Variants in EBF3 observed in about 807,000 individuals in gnomAD.
The protein encoded by EBF3 is EBF transcription factor 3.
In EBF3, 18 loss-of-function variants were observed where a neutral mutation model predicts 77.1. That is an observed-to-expected ratio of 0.23 (90% CI 0.16 to 0.35). The LOEUF (loss-of-function observed/expected upper bound fraction) is 0.35. Among genes scored for constraint, EBF3 ranks in the 10% least tolerant of loss-of-function variants. The pLI is 1.00. For synonymous variants in EBF3, 350 were observed against 343.5 expected (o/e 1.02, Z -0.21); for missense variants, 558 against 860.0 (o/e 0.65, Z 4.39).
chr10:129,858,150 G>T (rs1851382698), intron 10 of EBF3, among the ~76,000 whole-genome samples: 1 of 152,216 alleles, frequency 6.6e-6, no homozygotes, highest in African/African-American at 2.4e-5. Flanking sequence ...CCTTGGGGTT[G>T]TACATACCAA....
In EBF3 at chr10:129,848,033, G is replaced by A. The variant is rs1389068630; in HGVS notation, c.1128+359C>T. On this transcript the variant is annotated intron_variant, in intron 11 of 16. Coordinates refer to ENST00000440978, the MANE Select transcript of EBF3 (RefSeq NM_001375380.1). The surrounding 1 kb of genome is among the most constrained non-coding windows in gnomAD (Gnocchi z 4.4). ...GGCTGCTTAGATGGAAATCAGAGCA[G>A]GCCACTGGAGTGGAAAATGTTTAAT... Among the ~76,000 whole-genome samples the A allele has an allele frequency of 2.0e-5, 3 of 152,234 alleles. No individual in the cohort carries two copies. The highest frequency in any genetic ancestry group is 7.2e-5 in the African/African-American group (3 of 41,466).
chr10:129,852,587 TC>T (rs763160204), intron 10 of EBF3, among the ~76,000 whole-genome samples: 2 of 152,208 alleles, frequency 1.3e-5, no homozygotes, highest in East Asian at 1.9e-4. Context: ...CATGTTGATC[TC>T]TAATACCCCA....
At position 129,947,348 on chromosome 10, in the gene EBF3, G is replaced by T. The variant is rs1309997034; in HGVS notation, c.554+9910C>A. ...AAATACCACATATAACTCTCAGCAGGTTTTATGTTGTGTTTTACTGTCAGC... is the reference window on the plus strand; with the variant it reads ...AAATACCACATATAACTCTCAGCAGTTTTTATGTTGTGTTTTACTGTCAGC... On this transcript the variant is annotated intron_variant, in intron 6 of 16. Transcript: ENST00000440978. The surrounding 1 kb of genome is among the most constrained non-coding windows in gnomAD (Gnocchi z 4.5). 2.0e-5 allele frequency among the ~76,000 whole-genome samples: 3 copies of T among 152,080 alleles called. No individual in the cohort carries two copies. Among genetic ancestry groups the T allele is most frequent in the African/African-American group, 7.2e-5 (3 of 41,406 alleles).
intron 11 of EBF3, among the ~76,000 whole-genome samples, chr10:129,843,914 G>A (rs1411148213): frequency 6.6e-6 from 1 of 152,218 alleles, no homozygotes; most frequent in African/African-American, 2.4e-5. Flanking sequence ...ATCCACGTCT[G>A]CACGCCTACC....
chr10:129,888,475 C>T (rs978383030), intron 6 of EBF3, among the ~76,000 whole-genome samples: 2 of 152,242 alleles, frequency 1.3e-5, no homozygotes, highest in Non-Finnish European at 2.9e-5. Flanking sequence ...CACAAGGCCG[C>T]GGAGGCCCAG....
At chr10:129,887,054 C>CGGGGG (rs1226242130) in intron 6 of EBF3, among the ~76,000 whole-genome samples, 12 of 10,564 alleles carry the variant, frequency 1.1e-3, no homozygotes, top group African/African-American at 1.7e-3. Context: ...GGGTTGTGGG[C>CGGGGG]GGGGGGGGGG....
At chr10:129,906,542 T>C (rs922725221) in intron 6 of EBF3, among the ~76,000 whole-genome samples, 1 of 152,168 alleles carries the variant, frequency 6.6e-6, no homozygotes, top group Admixed American at 6.5e-5. Context: ...CTCCTGTGAG[T>C]CTAGGGAGAG....
rs11390227 is a variant in EBF3, at chr10:129,836,598, T to TAA, written c.*1343_*1344dup. 0.12 allele frequency: 17,920 copies of TAA among 147,026 alleles called. 1,368 individuals are homozygous for TAA. The highest frequency in any genetic ancestry group is 0.22 in the African/African-American group (8,658 of 40,140). 9.1% of individuals were successfully genotyped at this position (147,026 alleles called of 1,614,324 possible). A position where few individuals can be genotyped will look rare whatever the true frequency, so the allele number is the denominator to read the frequency against. ...CAATGAATTTGACTTTTCCTCAAAA[T>TAA]AAAAAAAAAAAGGATGGAAAGTCTA... On this transcript the variant is annotated 3_prime_UTR_variant, in exon 17 of 17. Coordinates refer to ENST00000440978, the MANE Select transcript of EBF3 (RefSeq NM_001375380.1).
Position 129,911,193 on chromosome 10 carries a change from C to T in EBF3, c.555-33344G>A, listed in dbSNP as rs182330273. ...ACAGCTGTGAGGGACCTCCAGCCCA[C>T]GGGTGGGCCAGGGCCAGACCAGGAG... On this transcript the variant is annotated intron_variant, in intron 6 of 16. Transcript: ENST00000440978. 3.9e-3 allele frequency among the ~76,000 whole-genome samples: 587 copies of T among 152,318 alleles called. 4 individuals carry two copies. The highest frequency in any genetic ancestry group is 0.014 in the African/African-American group (564 of 41,570).
rs896811242 is a variant in EBF3, at chr10:129,863,697, C to T, written c.1039+3444G>A. Among the ~76,000 whole-genome samples, 2 of 152,176 alleles carry T rather than the reference C, an allele frequency of 1.3e-5. No individual in the cohort carries two copies. The highest frequency in any genetic ancestry group is 2.4e-5 in the African/African-American group (1 of 41,454). On this transcript the variant is annotated intron_variant, in intron 10 of 16. Coordinates refer to ENST00000440978, the MANE Select transcript of EBF3 (RefSeq NM_001375380.1). The surrounding 1 kb of genome is among the most constrained non-coding windows in gnomAD (Gnocchi z 4.0). ...GCAAAGGGGCTGGCTCAGTTTTCAGCGGGGGAGTGCAATTCCCGGTGATTA... is the reference window on the plus strand; with the variant it reads ...GCAAAGGGGCTGGCTCAGTTTTCAGTGGGGGAGTGCAATTCCCGGTGATTA...
rs200404588 is a variant in EBF3 at position 129,840,267 on chromosome 10, G to A, written c.1737C>T (p.Ser579=). ...PQASPPPSCT[S]ANGNGLQGSL... ...CACCTTGCAGTCCATTCCCGTTGGCGCTGGTGCAGGAAGGAGGAGGAGAGG... is the reference window on the plus strand; with the variant it reads ...CACCTTGCAGTCCATTCCCGTTGGCACTGGTGCAGGAAGGAGGAGGAGAGG... The change falls in exon 15 of 17, where the codon AGC becomes AGT. Residue 579 remains serine, a synonymous_variant. Coordinates refer to ENST00000440978, the MANE Select transcript of EBF3 (RefSeq NM_001375380.1). The A allele has an allele frequency of 1.9e-4, 308 of 1,584,790 alleles. 1 individual carries two copies. In the East Asian group the frequency reaches 5.7e-3, roughly 30 times the overall value.
In EBF3 at chr10:129,877,761, T is replaced by C. The variant is rs1852895278; in HGVS notation, c.636+7A>G. 1 of 1,612,632 alleles carries C rather than the reference T, an allele frequency of 6.2e-7. No individual in the cohort carries two copies. Among genetic ancestry groups the C allele is most frequent in the Non-Finnish European group, 8.5e-7 (1 of 1,179,208 alleles). ...CCACGGTCCACGTGTCTTTGAGAAATGTATACCTGGAATCTCCGCATATCT... is the reference window on the plus strand; with the variant it reads ...CCACGGTCCACGTGTCTTTGAGAAACGTATACCTGGAATCTCCGCATATCT... On this transcript the variant is annotated splice_region_variant and intron_variant, in intron 7 of 16. Coordinates refer to ENST00000440978, the MANE Select transcript of EBF3 (RefSeq NM_001375380.1).
chr10:129,948,646 A>G (rs1424990486), intron 6 of EBF3, among the ~76,000 whole-genome samples: 1 of 150,484 alleles, frequency 6.6e-6, no homozygotes, highest in African/African-American at 2.5e-5. Flanking sequence ...AGGTGGGGGG[A>G]TATGGGAACT....
At position 129,867,142 on chromosome 10, in the gene EBF3, G is replaced by A. The variant is rs142165671; in HGVS notation, c.1038C>T (p.Thr346=). ...CKGAPGRFVY[T]ALNEPTIDYG... The stretch of plus-strand genomic sequence containing the variant: ...CAGAAGCTGGAGCTGTGAACTCACC[G>A]GTGTAGACAAAGCGCCCAGGAGCAC... The change falls in exon 10 of 17, where the codon ACC becomes ACT. Residue 346 remains threonine, a splice_region_variant and synonymous_variant. Coordinates refer to ENST00000440978, the MANE Select transcript of EBF3 (RefSeq NM_001375380.1). 2.7e-5 allele frequency: 43 copies of A among 1,613,430 alleles called. No individual in the cohort carries two copies. Among genetic ancestry groups the A allele is most frequent in the Middle Eastern group, 3.3e-4 (2 of 6,072 alleles).
At chr10:129,891,736 A>T (rs1264104815) in intron 6 of EBF3, among the ~76,000 whole-genome samples, 1 of 152,192 alleles carries the variant, frequency 6.6e-6, no homozygotes, top group African/African-American at 2.4e-5. Context: ...CATGTATTAC[A>T]AGCACAACAG....
chr10:129,924,010 G>A lies in EBF3; in HGVS notation c.554+33248C>T, dbSNP rs1856479870. Among the ~76,000 whole-genome samples, 4 of 152,280 alleles carry A rather than the reference G, an allele frequency of 2.6e-5. No homozygotes were observed. The South Asian group carries it at 8.3e-4, about 32-fold the overall frequency. On this transcript the variant is annotated intron_variant, in intron 6 of 16. Coordinates refer to ENST00000440978, the MANE Select transcript of EBF3 (RefSeq NM_001375380.1). ...GTTTGCCCAAAGAAGACATACAAAT[G>A]GCCGATGTATGTCTTCTTGGGAAGA...
At chr10:129,854,356 G>A (rs1851098548) in intron 10 of EBF3, among the ~76,000 whole-genome samples, 1 of 152,144 alleles carries the variant, frequency 6.6e-6, no homozygotes, top group Non-Finnish European at 1.5e-5. Context: ...AGAGGTAGCT[G>A]GAGTTTCAGG....
intron 6 of EBF3, among the ~76,000 whole-genome samples, chr10:129,907,233 A>G (rs1183444204): frequency 6.6e-6 from 1 of 152,188 alleles, no homozygotes; most frequent in Admixed American, 6.5e-5. Flanking sequence ...TTAACCACCA[A>G]TCGGGAGACC....
chr10:129,857,926 A>G (rs748799265), intron 10 of EBF3, among the ~76,000 whole-genome samples: 17 of 152,218 alleles, frequency 1.1e-4, no homozygotes, highest in African/African-American at 3.9e-4. Context: ...ACACCTTCAC[A>G]TAAGACACCG....
Sources: allele counts gnomAD v4.1 joint callset (sites outside exome capture counted in the v4.1 genomes callset), GRCh38; gene constraint gnomAD v4.1.1; non-coding constraint Gnocchi (gnomAD v3.1); transcripts MANE v1.5; gene names NCBI Gene and HGNC (gene_info 2026-07-23, HGNC 2026-07-21).